Variants in CADM2 observed in about 807,000 individuals in gnomAD.
CADM2 encodes cell adhesion molecule 2.
Under a neutral mutation model 49.8 loss-of-function variants are expected in CADM2, and 12 were observed. The ratio of observed to expected loss-of-function variants is 0.24; its 90% CI spans 0.15 to 0.39. The LOEUF is 0.39. CADM2 is among the 10% of genes least tolerant of loss of function. The pLI, the probability that CADM2 is intolerant of heterozygous loss-of-function variation, is 1.00. For synonymous variants in CADM2, 214 were observed against 175.4 expected, an observed-to-expected ratio of 1.22 and a Z score of -1.74; for missense variants, 378 against 492.3, an observed-to-expected ratio of 0.77 and a Z score of 2.20.
At chr3:85,157,191 G>A (rs981661501) in intron 1 of CADM2, among the ~76,000 whole-genome samples, 2 of 151,984 alleles carry the variant, frequency 1.3e-5, no homozygotes, top group African/African-American at 4.8e-5. Flanking sequence ...AATAAAAGAG[G>A]ATACAAACAA....
At chr3:85,363,297 G>A (rs560280519) in intron 1 of CADM2, among the ~76,000 whole-genome samples, 21 of 152,174 alleles carry the variant, frequency 1.4e-4, no homozygotes, top group Non-Finnish European at 2.6e-4. Flanking sequence ...ACATCTGACA[G>A]AGGTAAATCA....
At chr3:85,770,620 G>A (rs186486658) in intron 2 of CADM2, among the ~76,000 whole-genome samples, 85 of 152,208 alleles carry the variant, frequency 5.6e-4, no homozygotes, top group Middle Eastern at 3.4e-3. Flanking sequence ...ATATGATAGG[G>A]AGATTAAATA....
At chr3:85,186,368 G>T (rs148631925) in intron 1 of CADM2, among the ~76,000 whole-genome samples, 1,769 of 152,034 alleles carry the variant, frequency 0.012, 28 homozygotes, top group African/African-American at 0.041. Flanking sequence ...TAAAACCCAA[G>T]CACTAACAAG....
At chr3:86,056,636 G>A (rs913829896) in intron 8 of CADM2, among the ~76,000 whole-genome samples, 1 of 152,164 alleles carries the variant, frequency 6.6e-6, no homozygotes. Flanking sequence ...ATTAGTGCAC[G>A]GAGTGGCAAC....
At chr3:85,909,812 G>A (rs1717318684) in intron 5 of CADM2, among the ~76,000 whole-genome samples, 1 of 152,146 alleles carries the variant, frequency 6.6e-6, no homozygotes, top group African/African-American at 2.4e-5. Context: ...CTCTATAACT[G>A]TGTAATGCAT....
intron 8 of CADM2, among the ~76,000 whole-genome samples, chr3:85,978,726 C>A (rs1321924008): frequency 2.6e-5 from 4 of 151,748 alleles, no homozygotes; most frequent in African/African-American, 9.6e-5. Context: ...ATTTAACATG[C>A]ATTTACACAT....
chr3:85,940,049 G>T (rs1022861553), intron 7 of CADM2, among the ~76,000 whole-genome samples: 2 of 149,050 alleles, frequency 1.3e-5, no homozygotes, highest in Non-Finnish European at 3.0e-5. Context: ...AAAAGCCTGG[G>T]TGCTCACACC....
chr3:85,030,282 C>G (rs185550218), intron 1 of CADM2, among the ~76,000 whole-genome samples: 1 of 152,120 alleles, frequency 6.6e-6, no homozygotes, highest in African/African-American at 2.4e-5. Context: ...CTAGATCAAA[C>G]GGCAAGACAA....
intron 3 of CADM2, among the ~76,000 whole-genome samples, chr3:85,862,141 C>T (rs1010258890): frequency 1.3e-5 from 2 of 152,046 alleles, no homozygotes; most frequent in Non-Finnish European, 2.9e-5. Context: ...ATTCTCAAAA[C>T]TTTCTTTAGC....
chr3:86,046,773 C>A (rs778926205), intron 8 of CADM2, among the ~76,000 whole-genome samples: 1 of 151,844 alleles, frequency 6.6e-6, no homozygotes, highest in Non-Finnish European at 1.5e-5. Context: ...CCGTCTTAAA[C>A]ACCCCCAACC....
chr3:85,039,943 G>A (rs2107359190), intron 1 of CADM2, among the ~76,000 whole-genome samples: 1 of 152,254 alleles, frequency 6.6e-6, no homozygotes, highest in Admixed American at 6.5e-5. Flanking sequence ...AAAAAGCAAA[G>A]GCTTCAAACC....
intron 1 of CADM2, among the ~76,000 whole-genome samples, chr3:85,440,503 G>A (rs1199134467): frequency 6.6e-6 from 1 of 152,076 alleles, no homozygotes; most frequent in Non-Finnish European, 1.5e-5. Context: ...AATACACTAC[G>A]AGGTTGGAGT....
intron 1 of CADM2, among the ~76,000 whole-genome samples, chr3:85,573,887 C>T (rs1249391483): frequency 6.6e-6 from 1 of 152,146 alleles, no homozygotes; most frequent in Non-Finnish European, 1.5e-5. Flanking sequence ...CTCACCACAT[C>T]ACCAATACGG....
At chr3:85,079,590 T>C (rs2037083024) in intron 1 of CADM2, among the ~76,000 whole-genome samples, 1 of 151,828 alleles carries the variant, frequency 6.6e-6, no homozygotes, top group South Asian at 2.1e-4. Flanking sequence ...ACCATGCTGG[T>C]ATAAGAAAAT....
intron 1 of CADM2, among the ~76,000 whole-genome samples, chr3:85,298,940 G>A (rs1417304297): frequency 6.6e-6 from 1 of 151,978 alleles, no homozygotes; most frequent in Non-Finnish European, 1.5e-5. Flanking sequence ...CATCAACTGT[G>A]GTTTTTAAAA....
intron 1 of CADM2, among the ~76,000 whole-genome samples, chr3:85,206,211 A>G (rs1348382304): frequency 2.0e-5 from 3 of 152,056 alleles, no homozygotes; most frequent in Non-Finnish European, 2.9e-5. Flanking sequence ...AATCAGAAAC[A>G]TAAGTATTTG....
chr3:85,333,896 T>C (rs1431580265), intron 1 of CADM2, among the ~76,000 whole-genome samples: 1 of 151,802 alleles, frequency 6.6e-6, no homozygotes, highest in Non-Finnish European at 1.5e-5. Flanking sequence ...GGCCAAACTT[T>C]ATTCACTTTC....
chr3:85,616,139 A>G (rs1484585307), intron 1 of CADM2, among the ~76,000 whole-genome samples: 1 of 151,940 alleles, frequency 6.6e-6, no homozygotes, highest in Admixed American at 6.6e-5. Context: ...TCATTTTAAA[A>G]AAATGAAAAA....
chr3:85,949,322 T>C (rs7430551), intron 7 of CADM2, among the ~76,000 whole-genome samples: 8,180 of 151,482 alleles, frequency 0.054, 354 homozygotes, highest in South Asian at 0.11. Flanking sequence ...ACATAGTATG[T>C]ATGCTTGTCA....
Sources: gnomAD v4.1 joint callset for allele counts (sites outside exome capture counted in the v4.1 genomes callset) on GRCh38, gnomAD v4.1.1 for gene constraint, MANE v1.5 for transcripts, NCBI Gene and HGNC (gene_info 2026-07-23, HGNC 2026-07-21) for gene names.